PKD1L3: variants seen among roughly 807,000 people sequenced by gnomAD.
PKD1L3 encodes polycystin-1-like protein 3.
PKD1L3 carries 239 observed loss-of-function variants against 184.1 expected under a neutral mutation model. That is an observed-to-expected ratio of 1.30 (90% CI 1.17 to 1.45). The LOEUF (loss-of-function observed/expected upper bound fraction) is 1.45. PKD1L3 is among the 40% of genes most tolerant of loss of function. PKD1L3 has a pLI of 0.00. For missense variants in PKD1L3, 2,660 were observed against 2,067.2 expected, an observed-to-expected ratio of 1.29 and a Z score of -5.56; for synonymous variants, 996 against 778.8, an observed-to-expected ratio of 1.28 and a Z score of -4.64.
chr16:71,940,770 G>C (rs1003505612), intron 24 of PKD1L3, among the ~76,000 whole-genome samples: 2 of 152,054 alleles, frequency 1.3e-5, no homozygotes, highest in African/African-American at 2.4e-5. Context: ...AAAGTGCTGG[G>C]ATTACAGGTG....
chr16:71,971,846 C>G (rs1597343081), intron 12 of PKD1L3, among the ~76,000 whole-genome samples: 1 of 152,116 alleles, frequency 6.6e-6, no homozygotes, highest in Non-Finnish European at 1.5e-5. Flanking sequence ...TTTGAGAGGC[C>G]AAGGCGGGCA....
intron 28 of PKD1L3, among the ~76,000 whole-genome samples, chr16:71,932,998 CA>C (rs2038040873): frequency 6.6e-6 from 1 of 151,854 alleles, no homozygotes; most frequent in African/African-American, 2.4e-5. Flanking sequence ...CTATGTTGCC[CA>C]GGCTGGTCTC....
At position 71,951,766 on chromosome 16, in the gene PKD1L3, A is replaced by C. The variant is rs1479649511; in HGVS notation, c.3010-22T>G. The C allele has an allele frequency of 5.9e-6, 9 of 1,535,652 alleles. No homozygotes were observed. In the East Asian group the frequency reaches 2.2e-4, roughly 38 times the overall value. ...ATTCCTGAATGTAGGACCAGATGAG[A>C]AAAATCAGCCTGTTTTTCATTAACC... On this transcript the variant is annotated intron_variant, in intron 18 of 29. Transcript: ENST00000620267.
intron 24 of PKD1L3, among the ~76,000 whole-genome samples, chr16:71,940,242 A>G (rs2038315405): frequency 6.6e-6 from 1 of 152,186 alleles, no homozygotes; most frequent in Non-Finnish European, 1.5e-5. Context: ...GTGATGCTGT[A>G]TGAGAGAATC....
At position 71,986,348 on chromosome 16, in the gene PKD1L3, G is replaced by T; in HGVS notation, c.707C>A (p.Thr236Asn). 6.4e-7 allele frequency: 1 copy of T among 1,551,482 alleles called. No homozygotes were observed. Among genetic ancestry groups the T allele is most frequent in the Non-Finnish European group, 8.7e-7 (1 of 1,146,574 alleles). Residue 236 changes from threonine to asparagine, a missense_variant, in exon 5 of 30, where the codon ACC (threonine) becomes AAC (asparagine). Physicochemically the swap from Thr to Asn is moderately conservative, Grantham distance 65. Coordinates refer to ENST00000620267, the MANE Select transcript of PKD1L3 (RefSeq NM_181536.2). ...SQPLPVITQL[T>N]MPVSVTHAGQ... The stretch of plus-strand genomic sequence containing the variant: ...AGCATGCGTGACAGACACGGGCATG[G>T]TGAGCTGTGTTATCACAGGGAGAGG...
intron 25 of PKD1L3, among the ~76,000 whole-genome samples, chr16:71,936,935 TA>T (rs2038200581): frequency 6.6e-6 from 1 of 152,230 alleles, no homozygotes; most frequent in South Asian, 2.1e-4. Flanking sequence ...AGTCAGCCTT[TA>T]ACTGAATTCA....
chr16:71,965,678 C>T (rs571672622), intron 15 of PKD1L3, among the ~76,000 whole-genome samples: 2 of 151,998 alleles, frequency 1.3e-5, no homozygotes, highest in South Asian at 2.1e-4. Flanking sequence ...CTCGGTCTCT[C>T]GAGCAGCTGG....
intron 3 of PKD1L3, among the ~76,000 whole-genome samples, chr16:71,990,641 G>A (rs1034727939): frequency 2.0e-5 from 3 of 152,078 alleles, no homozygotes; most frequent in Admixed American, 6.6e-5. Context: ...GGCTGAGGCA[G>A]GACAATTGTT....
At chr16:71,990,967 T>C (rs759193810) in intron 3 of PKD1L3, among the ~76,000 whole-genome samples, 32 of 152,338 alleles carry the variant, frequency 2.1e-4, no homozygotes, top group Admixed American at 1.0e-3. Flanking sequence ...GTCTCACCTA[T>C]TTATTACTGC....
At chr16:71,937,481 A>G (rs1187665822) in intron 24 of PKD1L3, 62 bp from the exon 25 acceptor site, 12 of 1,518,938 alleles carry the variant, frequency 7.9e-6, no homozygotes, top group Admixed American at 2.2e-5. Flanking sequence ...TTCTTGTTAA[A>G]CTTTGTCTTT....
At chr16:71,958,842 T>C (rs1213413225) in intron 16 of PKD1L3, among the ~76,000 whole-genome samples, 1 of 141,322 alleles carries the variant, frequency 7.1e-6, no homozygotes, top group East Asian at 2.1e-4. Context: ...ATCTTAGCAC[T>C]TTGGGAGGGT....
intron 26 of PKD1L3, among the ~76,000 whole-genome samples, chr16:71,934,720 C>T (rs1435538586): frequency 2.0e-5 from 3 of 152,236 alleles, no homozygotes; most frequent in African/African-American, 7.2e-5. Context: ...TAGCAAGTGG[C>T]ACTCTGCACA....
intron 24 of PKD1L3, among the ~76,000 whole-genome samples, chr16:71,937,859 T>C (rs2038233010): frequency 6.6e-6 from 1 of 152,208 alleles, no homozygotes. Flanking sequence ...ATGTTGACGT[T>C]TATAAAATCA....
chr16:71,932,483 C>CTT (rs35193011), intron 28 of PKD1L3, among the ~76,000 whole-genome samples: 7,666 of 150,258 alleles, frequency 0.051, 362 homozygotes, highest in African/African-American at 0.13. Context: ...CATTATGTCA[C>CTT]TTTTTTTTTT....
chr16:71,944,736 G>C (rs59684427), intron 22 of PKD1L3, among the ~76,000 whole-genome samples: 1 of 85,338 alleles, frequency 1.2e-5, no homozygotes, highest in African/African-American at 4.1e-5. Flanking sequence ...GTCTCACTTC[G>C]TTGTCGAGGC....
Position 71,933,879 on chromosome 16 carries a change from A to G in PKD1L3, c.4824+36T>C, listed in dbSNP as rs189956441. On this transcript the variant is annotated intron_variant, in intron 27 of 29. Coordinates refer to ENST00000620267, the MANE Select transcript of PKD1L3 (RefSeq NM_181536.2). ...AGCGATGCGATTCCAAGACCACAGCACACGGAGAAGGAGAGACAGCAACGT... is the reference window on the plus strand; with the variant it reads ...AGCGATGCGATTCCAAGACCACAGCGCACGGAGAAGGAGAGACAGCAACGT... 4.5e-3 allele frequency: 7,001 copies of G among 1,541,312 alleles called. 21 individuals are homozygous for G. Among genetic ancestry groups the G allele is most frequent in the Non-Finnish European group, 5.3e-3 (5,995 of 1,138,626 alleles).
At chr16:71,992,323 A>T (rs994192408) in intron 3 of PKD1L3, among the ~76,000 whole-genome samples, 5 of 152,236 alleles carry the variant, frequency 3.3e-5, no homozygotes, top group Non-Finnish European at 5.9e-5. Flanking sequence ...ATATAAACTT[A>T]AAGGATATAG....
intron 24 of PKD1L3, among the ~76,000 whole-genome samples, chr16:71,940,905 A>C (rs934120717): frequency 6.6e-6 from 1 of 151,636 alleles, no homozygotes; most frequent in African/African-American, 2.4e-5. Flanking sequence ...GTATGATCTC[A>C]GCTCACTACA....
At chr16:71,989,279 C>T (rs1051190718) in intron 4 of PKD1L3, among the ~76,000 whole-genome samples, 3 of 152,182 alleles carry the variant, frequency 2.0e-5, no homozygotes. Context: ...CTCAGCCTCC[C>T]AAGTAGCTGG....
Sources: gnomAD v4.1 joint callset for allele counts (sites outside exome capture counted in the v4.1 genomes callset) on GRCh38, gnomAD v4.1.1 for gene constraint, MANE v1.5 for transcripts, NCBI Gene and HGNC (gene_info 2026-07-23, HGNC 2026-07-21) for gene names.